The following KCNQ1 variants were observed in gnomAD, a reference collection of about 807,000 sequenced individuals.
KCNQ1 encodes potassium voltage-gated channel subfamily KQT member 1.
KCNQ1 carries 49 observed loss-of-function variants against 72.4 expected under a neutral mutation model. The observed-to-expected ratio is 0.68, with a 90% CI of 0.54 to 0.86. The LOEUF (loss-of-function observed/expected upper bound fraction) is 0.86, where lower values mean the gene tolerates loss of function less well. Among genes scored for constraint, KCNQ1 ranks in the 40% least tolerant of loss-of-function variants. KCNQ1 has a pLI of 0.00. For synonymous variants in KCNQ1, 450 were observed against 412.6 expected (o/e 1.09, Z -1.10); for missense variants, 790 against 945.1 (o/e 0.84, Z 2.15).
At chr11:2,448,153 T>C (rs77997063) in intron 1 of KCNQ1, among the ~76,000 whole-genome samples, 2,184 of 152,332 alleles carry the variant, frequency 0.014, 51 homozygotes, top group African/African-American at 0.05. Context: ...CTGTGAGCCT[T>C]AGCCAGGGGT....
intron 10 of KCNQ1, chr11:2,634,710 G>C (rs996503615): frequency 6.6e-6 from 1 of 152,172 alleles, no homozygotes; most frequent in African/African-American, 2.4e-5. Flanking sequence ...GGGGATGGCT[G>C]GATCAAATGG....
At chr11:2,721,810 T>A (rs1590052669) in intron 11 of KCNQ1, among the ~76,000 whole-genome samples, 1 of 152,090 alleles carries the variant, frequency 6.6e-6, no homozygotes, top group African/African-American at 2.4e-5. Context: ...TCCGAGGAGG[T>A]TCACCTGGAG....
rs551797025 is a variant in KCNQ1, at chr11:2,541,290, C to T, written c.477+13272C>T. On this transcript the variant is annotated intron_variant, in intron 2 of 15. Transcript: ENST00000155840. This position sits in a 1 kb window ranked among gnomAD's most constrained non-coding sequence, Gnocchi z 4.8. ...GCGGGGTGATGATCTGGTCAGTTTC[C>T]GAGCACCATGTGCTGAGAATGATGC... 1.8e-4 allele frequency among the ~76,000 whole-genome samples: 27 copies of T among 152,360 alleles called. 1 individual carries two copies. The South Asian group carries it at 2.3e-3, about 13-fold the overall frequency.
chr11:2,835,075 G>T (rs1159743030), intron 15 of KCNQ1, among the ~76,000 whole-genome samples: 1 of 152,166 alleles, frequency 6.6e-6, no homozygotes, highest in Non-Finnish European at 1.5e-5. Flanking sequence ...CCCTGTCCTG[G>T]GTGCAGGCCC....
chr11:2,684,330 GC>G, intron 11 of KCNQ1: 1 of 398,642 alleles, frequency 2.5e-6, no homozygotes, highest in Non-Finnish European at 4.4e-6. Context: ...TCCTGAGGTG[GC>G]CCAGGTATGT....
intron 6 of KCNQ1, among the ~76,000 whole-genome samples, chr11:2,573,606 G>A (rs940852200): frequency 1.3e-5 from 2 of 152,240 alleles, no homozygotes; most frequent in African/African-American, 4.8e-5. Context: ...GGGAAGCAGG[G>A]ACCCGGCCTG....
chr11:2,751,647 G>C (rs1049127796), intron 11 of KCNQ1, among the ~76,000 whole-genome samples: 1 of 152,278 alleles, frequency 6.6e-6, no homozygotes, highest in African/African-American at 2.4e-5. Context: ...TGTTCTGAGA[G>C]CGGTGGCTGT....
rs1848718468 is a variant in KCNQ1 at position 2,595,213 on chromosome 11, G to A, written c.1393+6359G>A. Reference sequence around the variant, plus strand: ...AACTGTCTTTATTTGCAGAAGACATGGTTATCTATGTAGAAAATCTGATGA... The same window carrying A: ...AACTGTCTTTATTTGCAGAAGACATAGTTATCTATGTAGAAAATCTGATGA... On this transcript the variant is annotated intron_variant, in intron 10 of 15. Coordinates refer to ENST00000155840, the MANE Select transcript of KCNQ1 (RefSeq NM_000218.3). The surrounding 1 kb of genome is among the most constrained non-coding windows in gnomAD (Gnocchi z 5.0). Among the ~76,000 whole-genome samples, 2 of 152,160 alleles carry A rather than the reference G, an allele frequency of 1.3e-5. No individual in the cohort carries two copies. The highest frequency in any genetic ancestry group is 2.4e-5 in the African/African-American group (1 of 41,512).
At position 2,592,084 on chromosome 11, in the gene KCNQ1, G is replaced by A. The variant is rs553449557; in HGVS notation, c.1393+3230G>A. 3.2e-4 allele frequency among the ~76,000 whole-genome samples: 49 copies of A among 152,406 alleles called. No homozygotes were observed. Among genetic ancestry groups the A allele is most frequent in the Non-Finnish European group, 6.0e-4 (41 of 68,046 alleles). On this transcript the variant is annotated intron_variant, in intron 10 of 15. Transcript: ENST00000155840. The surrounding 1 kb of genome is among the most constrained non-coding windows in gnomAD (Gnocchi z 5.2). ...ACCTTGTCTGGCTGTGCTTTCTGTT[G>A]TGTGAACCTGCAGGTTAGGCAGAAG...
At chr11:2,780,603 G>A (rs1846806321) in intron 15 of KCNQ1, among the ~76,000 whole-genome samples, 2 of 152,334 alleles carry the variant, frequency 1.3e-5, no homozygotes, top group South Asian at 4.1e-4. Context: ...CAGCTGGGCT[G>A]TGCAGTGAGT....
In KCNQ1 at chr11:2,774,228, C is replaced by T. The variant is rs114499918; in HGVS notation, c.1591-1732C>T. Among the ~76,000 whole-genome samples the T allele has an allele frequency of 4.4e-3, 668 of 152,364 alleles. 4 individuals carry two copies. Among genetic ancestry groups the T allele is most frequent in the African/African-American group, 0.015 (640 of 41,580 alleles). On this transcript the variant is annotated intron_variant, in intron 12 of 15. Coordinates refer to ENST00000155840, the MANE Select transcript of KCNQ1 (RefSeq NM_000218.3). The stretch of plus-strand genomic sequence containing the variant: ...AAACTGAGACCTGAGGATGTTATTA[C>T]TAGCCTGTACATAAGTACGGTTTTT...
intron 15 of KCNQ1, among the ~76,000 whole-genome samples, chr11:2,834,988 C>T (rs952999772): frequency 1.3e-5 from 2 of 152,102 alleles, no homozygotes; most frequent in Non-Finnish European, 2.9e-5. Context: ...GGCCTCCAAC[C>T]TGGCCCCAGC....
rs1028940992 is a variant in KCNQ1, at chr11:2,843,052, G to A, written c.1795-4715G>A. ...CGTGAGGAGGTGCTTTGTGCCCAAG[G>A]CCCTGCAGCAGTGTGGGGGGTTCTG... On this transcript the variant is annotated intron_variant, in intron 15 of 15. Transcript: ENST00000155840. 4.6e-5 allele frequency among the ~76,000 whole-genome samples: 7 copies of A among 152,322 alleles called. No individual in the cohort carries two copies. In the South Asian group the frequency reaches 1.4e-3, roughly 32 times the overall value.
At chr11:2,527,444 G>C (rs556520103) in intron 1 of KCNQ1, among the ~76,000 whole-genome samples, 1 of 152,344 alleles carries the variant, frequency 6.6e-6, no homozygotes, top group African/African-American at 2.4e-5. Context: ...ACACACTGCA[G>C]TTCATTTGTG....
chr11:2,668,977 G>A lies in KCNQ1; in HGVS notation c.1514+6896G>A, dbSNP rs762671885. 7 of 398,514 alleles carry A rather than the reference G, an allele frequency of 1.8e-5. No homozygotes were observed. Among genetic ancestry groups the A allele is most frequent in the Non-Finnish European group, 3.1e-5 (7 of 226,088 alleles). The allele number at this position is 398,514 out of a possible 1,614,324, so 24.7% of individuals were successfully genotyped here. ...TCTGGGATTGATTTTTGTGTCCAAT[G>A]TGAGGCCGAGGTCAAGGTCCACTCT... On this transcript the variant is annotated intron_variant, in intron 11 of 15. Transcript: ENST00000155840. The surrounding 1 kb of genome is among the most constrained non-coding windows in gnomAD (Gnocchi z 4.3).
intron 10 of KCNQ1, chr11:2,633,401 T>C (rs1223615963): frequency 5.0e-6 from 2 of 398,458 alleles, no homozygotes; most frequent in African/African-American, 4.1e-5. Flanking sequence ...CTATTTTTGT[T>C]TTTGTTGCCT....
At chr11:2,800,668 C>T (rs1360862351) in intron 15 of KCNQ1, among the ~76,000 whole-genome samples, 1 of 152,194 alleles carries the variant, frequency 6.6e-6, no homozygotes, top group Admixed American at 6.5e-5. Context: ...GTCCAACGCC[C>T]AGCTTATCAT....
chr11:2,571,969 G>GA lies in KCNQ1; in HGVS notation c.684-43dup, dbSNP rs747840414. On this transcript the variant is annotated intron_variant, in intron 4 of 15. Coordinates refer to ENST00000155840, the MANE Select transcript of KCNQ1 (RefSeq NM_000218.3). ...AGCCCTAGGCCCGGCGTGAACAGCT[G>GA]AGCCCAGCCTGGCTCCCTCAGCCCC... 845 of 1,555,492 alleles carry GA rather than the reference G, an allele frequency of 5.4e-4. 2 individuals are homozygous for GA. Among genetic ancestry groups the GA allele is most frequent in the Non-Finnish European group, 6.7e-4 (758 of 1,134,620 alleles).
chr11:2,708,950 A>G (rs1850957666), intron 11 of KCNQ1, among the ~76,000 whole-genome samples: 1 of 151,986 alleles, frequency 6.6e-6, no homozygotes, highest in Non-Finnish European at 1.5e-5. Flanking sequence ...GCCCTGCTGG[A>G]AAATCTGAAT....
Sources: allele counts gnomAD v4.1 joint callset (sites outside exome capture counted in the v4.1 genomes callset), GRCh38; gene constraint gnomAD v4.1.1; non-coding constraint Gnocchi (gnomAD v3.1); transcripts MANE v1.5; gene names NCBI Gene and HGNC (gene_info 2026-07-23, HGNC 2026-07-21).